Variants in SMCHD1 observed in about 807,000 individuals in gnomAD.
SMCHD1 encodes the protein structural maintenance of chromosomes flexible hinge domain containing 1.
A neutral mutation model predicts 254.7 loss-of-function variants in SMCHD1; 78 were observed. The observed-to-expected ratio is 0.31, with a 90% confidence interval of 0.26 to 0.37. The LOEUF is 0.37. Among genes scored for constraint, SMCHD1 ranks in the 10% least tolerant of loss-of-function variants. The probability of loss-of-function intolerance (pLI) is 1.00; values close to 1 mark genes in which losing one functional copy is unlikely to be tolerated. For synonymous variants in SMCHD1, 766 were observed against 794.9 expected, an observed-to-expected ratio of 0.96 and a Z score of 0.61; for missense variants, 1,840 against 2,408.1, an observed-to-expected ratio of 0.76 and a Z score of 4.94.
At chr18:2,764,129 GT>G (rs1471679535) in intron 37 of SMCHD1, 1 of 183,190 alleles carries the variant, frequency 5.5e-6, no homozygotes, top group East Asian at 1.7e-4. Context: ...TAAACAACTT[GT>G]CTTTGTTACT....
Position 2,803,264 on chromosome 18 carries a change from T to C in SMCHD1, c.*712T>C, listed in dbSNP as rs1403394374. ...TCAGCAGCACCAAGTTTTATAACTA[T>C]TGTTTGTTTGACTTTATTAATACTA... is the stretch of plus-strand genomic sequence containing the variant. On this transcript the variant is annotated 3_prime_UTR_variant, in exon 48 of 48. Transcript: ENST00000320876. The C allele has an allele frequency of 6.7e-6, 1 of 149,074 alleles. No individual in the cohort carries two copies. The highest frequency in any genetic ancestry group is 1.5e-5 in the Non-Finnish European group (1 of 67,414). 9.2% of individuals were successfully genotyped at this position (149,074 alleles called of 1,614,324 possible).
At chr18:2,704,550 G>A (rs1359471466) in intron 13 of SMCHD1, among the ~76,000 whole-genome samples, 2 of 151,504 alleles carry the variant, frequency 1.3e-5, no homozygotes, top group African/African-American at 4.8e-5. Flanking sequence ...TCAATGCAAT[G>A]GAAAGAAAGG....
chr18:2,771,260 TA>T (rs1366688175), intron 39 of SMCHD1, among the ~76,000 whole-genome samples: 1 of 152,222 alleles, frequency 6.6e-6, no homozygotes, highest in Non-Finnish European at 1.5e-5. Flanking sequence ...ACTCGTGGAT[TA>T]AGATTAAGTA....
Position 2,769,772 on chromosome 18 carries a change from T to C in SMCHD1, c.4798T>C (p.Leu1600=), listed in dbSNP as rs769207224. 1.2e-6 allele frequency: 2 copies of C among 1,604,782 alleles called. No homozygotes were observed. The highest frequency in any genetic ancestry group is 1.7e-6 in the Non-Finnish European group (2 of 1,174,682). ...FIVFEPRLPL[L]SRTLEPYILP... is the part of the protein sequence containing the mutation. ...TGTATTTGAGCCCCGGCTACCACTT[T>C]TATCAAGAACCTTAGAACCATATAT... The change falls in exon 38 of 48, where the codon TTA becomes CTA. Residue 1600 remains leucine, a synonymous_variant. Transcript: ENST00000320876.
intron 20 of SMCHD1, among the ~76,000 whole-genome samples, chr18:2,723,938 A>T (rs1025007076): frequency 6.6e-6 from 1 of 151,998 alleles, no homozygotes; most frequent in Non-Finnish European, 1.5e-5. Context: ...GGAGACTGCT[A>T]TCATTTGCCA....
rs1568115145 is a variant in SMCHD1 at position 2,678,248 on chromosome 18, T to TTTCG, written c.638+4106_638+4107insGTTC. Among the ~76,000 whole-genome samples the TTTCG allele has an allele frequency of 2.4e-4, 9 of 37,642 alleles. No homozygotes were observed. In the East Asian group the frequency reaches 5.3e-3, roughly 22 times the overall value. The allele number at this position is 37,642 out of a possible 152,430, so 24.7% of individuals were successfully genotyped here. A position where few individuals can be genotyped will look rare whatever the true frequency, so the allele number is the denominator to read the frequency against. On this transcript the variant is annotated intron_variant, in intron 5 of 47. Coordinates refer to ENST00000320876, the MANE Select transcript of SMCHD1 (RefSeq NM_015295.3). ...TTTTCTTTCTTTCTTTCTTTCGTTC[T>TTTCG]TTCTTTCTCTCTCTCTCTCTCTCTC...
Position 2,796,465 on chromosome 18 carries a change from G to A in SMCHD1, c.5937G>A (p.Thr1979=), listed in dbSNP as rs776794549. 28 of 1,605,858 alleles carry A rather than the reference G, an allele frequency of 1.7e-5. No homozygotes were observed. Among genetic ancestry groups the A allele is most frequent in the South Asian group, 2.2e-5 (2 of 89,004 alleles). Residue 1979 remains threonine (T), a synonymous_variant, in exon 47 of 48, where the codon ACG becomes ACA. Coordinates refer to ENST00000320876, the MANE Select transcript of SMCHD1 (RefSeq NM_015295.3). The stretch of plus-strand genomic sequence containing the variant: ...TGCGTCATTCACCAAAGGTTGAGAC[G>A]ACAGATTGTCCAGTTCCTCCTAAAA... ...DSLRHSPKVE[T]TDCPVPPKRM... is the part of the protein sequence containing the mutation.
At chr18:2,660,331 A>G (rs1462668885) in intron 1 of SMCHD1, among the ~76,000 whole-genome samples, 1 of 152,112 alleles carries the variant, frequency 6.6e-6, no homozygotes, top group Non-Finnish European at 1.5e-5. Context: ...GTCTCAAAAA[A>G]CAAACAAACA....
intron 30 of SMCHD1, among the ~76,000 whole-genome samples, chr18:2,749,512 G>A (rs2075531864): frequency 6.6e-6 from 1 of 152,252 alleles, no homozygotes; most frequent in African/African-American, 2.4e-5. Flanking sequence ...AGGAAATGTG[G>A]CCACTGATTC....
intron 3 of SMCHD1, among the ~76,000 whole-genome samples, chr18:2,670,259 T>G (rs1480293804): frequency 6.6e-6 from 1 of 152,120 alleles, no homozygotes; most frequent in East Asian, 1.9e-4. Context: ...GCCATCCATA[T>G]TCTCAGCTTA....
chr18:2,775,068 ATTTTTTTTT>A (rs10601895), intron 41 of SMCHD1, among the ~76,000 whole-genome samples: 6 of 73,010 alleles, frequency 8.2e-5, no homozygotes, highest in Non-Finnish European at 1.6e-4. Flanking sequence ...AAAAGGAACA[ATTTTTTTTT>A]TTTTTTTTTT....
Position 2,718,071 on chromosome 18 carries a change from G to A in SMCHD1, c.2261-87G>A, listed in dbSNP as rs1715435596. ...AGCAGGTTTTAAAATACAGCAAATA[G>A]GTATTTGGTGCCAATGTGACATTGC... is the stretch of plus-strand genomic sequence containing the variant. On this transcript the variant is annotated intron_variant, in intron 17 of 47. Transcript: ENST00000320876. This position sits in a 1 kb window ranked among gnomAD's most constrained non-coding sequence, Gnocchi z 4.6. 10 of 965,196 alleles carry A rather than the reference G, an allele frequency of 1.0e-5. No homozygotes were observed. Among genetic ancestry groups the A allele is most frequent in the African/African-American group, 1.6e-5 (1 of 60,856 alleles). 59.8% of individuals were successfully genotyped at this position (965,196 alleles called of 1,614,324 possible).
intron 39 of SMCHD1, among the ~76,000 whole-genome samples, chr18:2,770,760 A>G (rs2143740800): frequency 6.6e-6 from 1 of 152,254 alleles, no homozygotes; most frequent in South Asian, 2.1e-4. Flanking sequence ...AGCTAGGATT[A>G]CAGGCACATG....
At chr18:2,665,717 A>T (rs976392378) in intron 1 of SMCHD1, among the ~76,000 whole-genome samples, 3 of 152,240 alleles carry the variant, frequency 2.0e-5, no homozygotes, top group Non-Finnish European at 4.4e-5. Context: ...CCTCCGTGCT[A>T]TAAAATGCTA....
chr18:2,746,054 G>C (rs1223769738), intron 29 of SMCHD1, among the ~76,000 whole-genome samples: 1 of 152,126 alleles, frequency 6.6e-6, no homozygotes, highest in Non-Finnish European at 1.5e-5. Context: ...AGGTGCAGTG[G>C]CTCATGCCTT....
At chr18:2,664,864 T>C (rs1363531549) in intron 1 of SMCHD1, among the ~76,000 whole-genome samples, 3 of 152,216 alleles carry the variant, frequency 2.0e-5, no homozygotes, top group Non-Finnish European at 2.9e-5. Flanking sequence ...TGAAGTACCA[T>C]TGATACAAGA....
In SMCHD1 at chr18:2,738,241, A is replaced by T. The variant is rs375848854; in HGVS notation, c.3277-156A>T. ...GACAAAGAGGATGCCTTTGTATCAT[A>T]TTAGTATATGAACCACACCGTTTCT... On this transcript the variant is annotated intron_variant, in intron 25 of 47. Transcript: ENST00000320876. Among the ~76,000 whole-genome samples, 36 of 152,330 alleles carry T rather than the reference A, an allele frequency of 2.4e-4. No individual in the cohort carries two copies. The South Asian group carries it at 3.7e-3, about 16-fold the overall frequency.
chr18:2,709,597 C>T (rs1018080566), intron 17 of SMCHD1, among the ~76,000 whole-genome samples: 3 of 151,996 alleles, frequency 2.0e-5, no homozygotes, highest in African/African-American at 7.2e-5. Context: ...TGGTATCTTA[C>T]TGTGGTTTTT....
At chr18:2,703,945 A>G in intron 13 of SMCHD1, 59 bp downstream of exon 13, 4 of 1,286,290 alleles carry the variant, frequency 3.1e-6, no homozygotes, top group Non-Finnish European at 4.2e-6. Context: ...TAAAACACAT[A>G]TGCAGAATCA....
Sources: gnomAD v4.1 joint callset for allele counts (sites outside exome capture counted in the v4.1 genomes callset) on GRCh38, gnomAD v4.1.1 for gene constraint, Gnocchi (gnomAD v3.1) non-coding constraint, MANE v1.5 for transcripts, NCBI Gene and HGNC (gene_info 2026-07-23, HGNC 2026-07-21) for gene names.